The following DSG1 variants were observed in gnomAD, a reference collection of about 807,000 sequenced individuals.
DSG1 encodes the protein desmoglein-1.
In DSG1, 39 loss-of-function variants were observed where a neutral mutation model predicts 97.5. The ratio of observed to expected loss-of-function variants is 0.40; its 90% CI spans 0.31 to 0.52. DSG1 has a LOEUF of 0.52. DSG1 is among the 20% of genes least tolerant of loss of function. The pLI is 0.53. For synonymous variants in DSG1, 475 were observed against 443.4 expected (o/e 1.07, Z -0.90); for missense variants, 1,311 against 1,295.4 (o/e 1.01, Z -0.18).
chr18:31,357,623 C>T lies in DSG1; in HGVS notation c.*2277C>T, dbSNP rs1445934194. On this transcript the variant is annotated 3_prime_UTR_variant, in exon 15 of 15. Transcript: ENST00000257192. ...CTTTAATAACTGTTGCTGTCAAAAT[C>T]CATTGGTTGTTAAGATCCCCCCAAT... 6.6e-6 allele frequency among the ~76,000 whole-genome samples: 1 copy of T among 151,858 alleles called. No homozygotes were observed. The highest frequency in any genetic ancestry group is 2.4e-5 in the African/African-American group (1 of 41,392).
At chr18:31,335,595 T>C (rs2071747029) in intron 8 of DSG1, among the ~76,000 whole-genome samples, 3 of 151,654 alleles carry the variant, frequency 2.0e-5, no homozygotes, top group Admixed American at 2.0e-4. Flanking sequence ...ATAAAACCAA[T>C]ATTAGAACAA....
rs1290080504 is a variant in DSG1, at chr18:31,345,976, A to G, written c.1892-14A>G. 2 of 1,606,998 alleles carry G rather than the reference A, an allele frequency of 1.2e-6. No homozygotes were observed. The highest frequency in any genetic ancestry group is 1.7e-6 in the Non-Finnish European group (2 of 1,174,344). On this transcript the variant is annotated splice_polypyrimidine_tract_variant and intron_variant, in intron 13 of 14. Transcript: ENST00000257192. ...GACTAAAGAAAATAAATTTAATTTG[A>G]TCAACACTTTTAGGAGTTTATACAA...
At chr18:31,346,610 A>G (rs539091544) in intron 14 of DSG1, among the ~76,000 whole-genome samples, 2 of 152,022 alleles carry the variant, frequency 1.3e-5, no homozygotes, top group Non-Finnish European at 2.9e-5. Flanking sequence ...GCATCCCACT[A>G]TGTCTCTCAC....
At chr18:31,344,129 T>TA in intron 13 of DSG1, 134 bp downstream of exon 13, 1 of 708,220 alleles carries the variant, frequency 1.4e-6, no homozygotes, top group Non-Finnish European at 2.4e-6. Context: ...ATGACTAACT[T>TA]GTAAATTAAA....
At position 31,355,524 on chromosome 18, in the gene DSG1, T is replaced by C; in HGVS notation, c.*178T>C. On this transcript the variant is annotated 3_prime_UTR_variant, in exon 15 of 15. Coordinates refer to ENST00000257192, the MANE Select transcript of DSG1 (RefSeq NM_001942.4). ...ACCACTGCTAGGGGAGAGCTCTCCT[T>C]AGCATTCATAAACTTTTCTCTTATA... 1 of 668,752 alleles carries C rather than the reference T, an allele frequency of 1.5e-6. No individual in the cohort carries two copies. The highest frequency in any genetic ancestry group is 2.6e-6 in the Non-Finnish European group (1 of 390,662). 41.4% of individuals were successfully genotyped at this position (668,752 alleles called of 1,614,324 possible). A position where few individuals can be genotyped will look rare whatever the true frequency, so the allele number is the denominator to read the frequency against.
chr18:31,326,805 A>G, intron 2 of DSG1, 69 bp from the exon 3 acceptor site: 3 of 1,566,586 alleles, frequency 1.9e-6, no homozygotes, highest in Non-Finnish European at 2.6e-6. Flanking sequence ...CCTCTTCCAA[A>G]AATCTCAGTG....
intron 14 of DSG1, among the ~76,000 whole-genome samples, chr18:31,346,614 C>T (rs1029160478): frequency 2.0e-5 from 3 of 152,138 alleles, no homozygotes; most frequent in Non-Finnish European, 4.4e-5. Flanking sequence ...CCCACTATGT[C>T]TCTCACAAAC....
rs775732796 is a variant in DSG1, at chr18:31,326,904, A to G, written c.115A>G (p.Ile39Val). Reference protein sequence around the residue: ...VRDYNTKNGTIKWHSIRRQKR... With the variant: ...VRDYNTKNGTVKWHSIRRQKR... ...AGATTATAACACTAAAAATGGCACC[A>G]TCAAATGGCATTCAATCCGAAGGCA... Residue 39 changes from isoleucine (I) to valine (V), a missense_variant, in exon 3 of 15, where the codon ATC (isoleucine) becomes GTC (valine). By Grantham distance (29) the Ile-to-Val change is conservative (BLOSUM62 3). Transcript: ENST00000257192. The G allele has an allele frequency of 8.1e-6, 13 of 1,613,840 alleles. No homozygotes were observed.
chr18:31,330,136 T>C lies in DSG1; in HGVS notation c.517+100T>C, dbSNP rs377162125. The C allele has an allele frequency of 7.3e-5, 104 of 1,428,618 alleles. No homozygotes were observed. In the East Asian group the frequency reaches 1.1e-3, roughly 15 times the overall value. 88.5% of individuals were successfully genotyped at this position (1,428,618 alleles called of 1,614,324 possible). A position where few individuals can be genotyped will look rare whatever the true frequency, so the allele number is the denominator to read the frequency against. ...CACATCATGAATGTAAGAGATAAAC[T>C]ATAGAAAAGATGCAGAATAGCAAGT... On this transcript the variant is annotated intron_variant, in intron 5 of 14. Transcript: ENST00000257192.
intron 6 of DSG1, among the ~76,000 whole-genome samples, chr18:31,332,526 C>A (rs1214325583): frequency 1.3e-5 from 2 of 151,772 alleles, no homozygotes; most frequent in African/African-American, 4.8e-5. Flanking sequence ...TCTAGCATGC[C>A]TTGTGATTTT....
intron 14 of DSG1, 54 bp from the exon 15 acceptor site, chr18:31,354,243 T>C: frequency 1.3e-6 from 2 of 1,483,192 alleles, no homozygotes; most frequent in South Asian, 2.3e-5. Flanking sequence ...GGCTGTTCTA[T>C]TATTGTTAAA....
At chr18:31,325,164 G>A (rs778582943) in intron 1 of DSG1, among the ~76,000 whole-genome samples, 9 of 152,246 alleles carry the variant, frequency 5.9e-5, no homozygotes, top group South Asian at 2.1e-4. Context: ...CAGACTTGGC[G>A]GTTTTTAGAT....
intron 5 of DSG1, among the ~76,000 whole-genome samples, chr18:31,330,397 T>C (rs534540110): frequency 4.6e-5 from 7 of 152,254 alleles, no homozygotes; most frequent in African/African-American, 1.7e-4. Flanking sequence ...CTGCGTTTTT[T>C]CCCCTTTTTT....
chr18:31,324,967 G>T (rs1390411975), intron 1 of DSG1, among the ~76,000 whole-genome samples: 1 of 152,130 alleles, frequency 6.6e-6, no homozygotes, highest in Admixed American at 6.5e-5. Flanking sequence ...GTCTACTCTT[G>T]TCATTTTACA....
In DSG1 at chr18:31,354,996, A is replaced by T; in HGVS notation, c.2800A>T (p.Ile934Leu). ...AGTAATCCAACCAACTTCCGGCATG[A>T]TAGGTAGTCTGAGTATGCACCCCGA... ...ERVIQPTSGM[I>L]GSLSMHPELA... Residue 934 changes from isoleucine (I) to leucine (L), a missense_variant, in exon 15 of 15, where the codon ATA becomes TTA. Around this residue, in one of 3 missense-constraint regions of DSG1, gnomAD observed 1,038 missense variants for 964.6 expected, o/e 1.08. Coordinates refer to ENST00000257192, the MANE Select transcript of DSG1 (RefSeq NM_001942.4). 6.2e-7 allele frequency: 1 copy of T among 1,614,220 alleles called. No individual in the cohort carries two copies. Among genetic ancestry groups the T allele is most frequent in the Non-Finnish European group, 8.5e-7 (1 of 1,180,034 alleles).
chr18:31,330,430 C>T (rs2071713399), intron 5 of DSG1, among the ~76,000 whole-genome samples: 1 of 152,074 alleles, frequency 6.6e-6, no homozygotes, highest in South Asian at 2.1e-4. Context: ...TTTAAAATCA[C>T]TTATAGAAAT....
chr18:31,319,120 C>T lies in DSG1; in HGVS notation c.48+772C>T, dbSNP rs534407456. ...TAATGAAATACTTTATCATTGCCCC[C>T]TTACATGTAATTAGTTTTCTTGCTG... On this transcript the variant is annotated intron_variant, in intron 1 of 14. Transcript: ENST00000257192. 4.8e-4 allele frequency among the ~76,000 whole-genome samples: 73 copies of T among 152,250 alleles called. 1 individual carries two copies. Among genetic ancestry groups the T allele is most frequent in the African/African-American group, 1.7e-3 (69 of 41,558 alleles).
intron 1 of DSG1, among the ~76,000 whole-genome samples, chr18:31,321,908 G>T (rs968054477): frequency 6.6e-5 from 10 of 152,176 alleles, no homozygotes; most frequent in African/African-American, 2.4e-4. Context: ...CAGGAAGCCT[G>T]CTGTGCCAGG....
At position 31,326,965 on chromosome 18, in the gene DSG1, G is replaced by T; in HGVS notation, c.176G>T (p.Arg59Leu). The change falls in exon 3 of 15, where the codon CGT becomes CTT. Residue 59 changes from arginine to leucine, a missense_variant. Physicochemically the swap from Arg to Leu is moderately radical, Grantham distance 102. Coordinates refer to ENST00000257192, the MANE Select transcript of DSG1 (RefSeq NM_001942.4). ...REWIKFAAAC[R>L]EGEDNSKRNP... ...TGGATCAAGTTCGCAGCAGCCTGTC[G>T]TGAAGGTGAAGACAACTCAAAGAGG... is the stretch of plus-strand genomic sequence containing the variant. 6.2e-7 allele frequency: 1 copy of T among 1,613,940 alleles called. No homozygotes were observed. The highest frequency in any genetic ancestry group is 8.5e-7 in the Non-Finnish European group (1 of 1,179,862).
Sources: gnomAD v4.1 joint callset for allele counts (sites outside exome capture counted in the v4.1 genomes callset) on GRCh38, gnomAD v4.1.1 for gene constraint, gnomAD v4.1.1 regional missense constraint, MANE v1.5 for transcripts, NCBI Gene and HGNC (gene_info 2026-07-23, HGNC 2026-07-21) for gene names.